ESR1: variants seen among roughly 807,000 people sequenced by gnomAD.
ESR1 encodes the protein estrogen receptor 1.
In ESR1, 12 loss-of-function variants were observed where a neutral mutation model predicts 52.7. That is an observed-to-expected ratio of 0.23 (90% CI 0.15 to 0.37). ESR1 has a LOEUF of 0.37. Ranked by LOEUF, ESR1 falls within the 10% of genes least tolerant of loss-of-function variation. The probability of loss-of-function intolerance (pLI) is 1.00; values close to 1 mark genes in which losing one functional copy is unlikely to be tolerated. For missense variants in ESR1, 584 were observed against 779.7 expected (o/e 0.75, Z 2.99); for synonymous variants, 305 against 316.8 (o/e 0.96, Z 0.39).
At chr6:151,694,368 G>A (rs1245566977) in intron 1 of ESR1, among the ~76,000 whole-genome samples, 1 of 152,202 alleles carries the variant, frequency 6.6e-6, no homozygotes, top group Non-Finnish European at 1.5e-5. Context: ...CCCTCTCTTA[G>A]CCTCAGCAAC....
upstream of ESR1, among the ~76,000 whole-genome samples, chr6:151,799,517 T>C (rs1777023769): frequency 2.6e-5 from 4 of 152,208 alleles, no homozygotes; most frequent in Non-Finnish European, 5.9e-5. Flanking sequence ...AAGTTCATTG[T>C]TCAAATAGTA....
At chr6:151,690,962 A>T (rs187906592) in intron 1 of ESR1, among the ~76,000 whole-genome samples, 1 of 152,240 alleles carries the variant, frequency 6.6e-6, no homozygotes, top group African/African-American at 2.4e-5. Context: ...TGTCTGTTCC[A>T]GATAACATAA....
intron 2 of ESR1, among the ~76,000 whole-genome samples, chr6:151,868,907 C>A (rs1352891644): frequency 6.6e-6 from 1 of 152,076 alleles, no homozygotes; most frequent in African/African-American, 2.4e-5. Context: ...CTTAGAGGGT[C>A]GAAAGTGTAC....
chr6:151,670,447 C>T (rs117991176), intron 1 of ESR1, among the ~76,000 whole-genome samples: 2 of 152,320 alleles, frequency 1.3e-5, no homozygotes, highest in Non-Finnish European at 2.9e-5. Flanking sequence ...GCAGAGACCT[C>T]TTGCCTGGTC....
intron 3 of ESR1, among the ~76,000 whole-genome samples, chr6:151,935,786 T>C (rs1039206504): frequency 6.6e-6 from 1 of 152,190 alleles, no homozygotes; most frequent in Non-Finnish European, 1.5e-5. Flanking sequence ...TTTAATATAC[T>C]CCAACAAATG....
chr6:151,767,908 C>T (rs1009303954), intron 2 of ESR1, among the ~76,000 whole-genome samples: 1 of 152,132 alleles, frequency 6.6e-6, no homozygotes, highest in Non-Finnish European at 1.5e-5. Context: ...GGGGCATATA[C>T]CCCTTACAAT....
At chr6:152,079,938 G>A (rs987003059) in intron 6 of ESR1, among the ~76,000 whole-genome samples, 16 of 152,162 alleles carry the variant, frequency 1.1e-4, no homozygotes, top group African/African-American at 3.9e-4. Context: ...GACAAGATGA[G>A]AGAAAAGAAG....
chr6:151,676,524 A>C (rs1276649862), intron 1 of ESR1, among the ~76,000 whole-genome samples: 1 of 152,162 alleles, frequency 6.6e-6, no homozygotes, highest in East Asian at 1.9e-4. Context: ...CCAAGGAAAT[A>C]TAGTTCAGTG....
chr6:151,666,036 A>T (rs1216493108), intron 1 of ESR1, among the ~76,000 whole-genome samples: 2 of 152,236 alleles, frequency 1.3e-5, no homozygotes, highest in East Asian at 1.9e-4. Flanking sequence ...AACTATCATG[A>T]TCAGAAGAAA....
rs546576537 is a variant in ESR1 at position 152,063,258 on chromosome 6, G to A, written c.1369+2134G>A. Among the ~76,000 whole-genome samples, 5 of 152,296 alleles carry A rather than the reference G, an allele frequency of 3.3e-5. No homozygotes were observed. In the South Asian group the frequency reaches 1.0e-3, roughly 32 times the overall value. ...GCTCTTGAAGGGCAGAAACGCTATTGTAGAAATTCAAGGCACTGTATGCTG... is the reference window on the plus strand; with the variant it reads ...GCTCTTGAAGGGCAGAAACGCTATTATAGAAATTCAAGGCACTGTATGCTG... On this transcript the variant is annotated intron_variant, in intron 6 of 7. Transcript: ENST00000206249.
Position 151,940,159 on chromosome 6 carries a change from G to A in ESR1, c.761-4014G>A, listed in dbSNP as rs188496240. 1.9e-3 allele frequency among the ~76,000 whole-genome samples: 291 copies of A among 152,252 alleles called. 1 individual carries two copies. The highest frequency in any genetic ancestry group is 6.8e-3 in the African/African-American group (282 of 41,550). On this transcript the variant is annotated intron_variant, in intron 3 of 7. Coordinates refer to ENST00000206249, the MANE Select transcript of ESR1 (RefSeq NM_000125.4). ...GTCTTATATGGCAGCAGGCAAGAGAGTATATGCAAGGGAACTGCCCTGTAT... is the reference window on the plus strand; with the variant it reads ...GTCTTATATGGCAGCAGGCAAGAGAATATATGCAAGGGAACTGCCCTGTAT...
intron 1 of ESR1, among the ~76,000 whole-genome samples, chr6:151,700,552 A>T (rs1371988369): frequency 6.6e-6 from 1 of 151,966 alleles, no homozygotes; most frequent in African/African-American, 2.4e-5. Flanking sequence ...TAAACTACTT[A>T]CTTTGAGCAG....
At chr6:152,036,387 A>T (rs570573929) in intron 5 of ESR1, among the ~76,000 whole-genome samples, 1 of 152,268 alleles carries the variant, frequency 6.6e-6, no homozygotes, top group South Asian at 2.1e-4. Flanking sequence ...ACAAAATCAA[A>T]ACAAAAAACA....
chr6:151,698,150 T>C (rs1779502892), intron 1 of ESR1, among the ~76,000 whole-genome samples: 1 of 151,426 alleles, frequency 6.6e-6, no homozygotes, highest in Non-Finnish European at 1.5e-5. Flanking sequence ...TGAATTGCTT[T>C]TGCTCAGGAG....
chr6:151,743,280 G>A (rs555231484), intron 2 of ESR1, among the ~76,000 whole-genome samples: 58 of 152,220 alleles, frequency 3.8e-4, no homozygotes, highest in African/African-American at 1.3e-3. Context: ...TGATCGTGGG[G>A]GCTTAGACTG....
chr6:151,785,848 C>T (rs1354736191), intron 2 of ESR1, among the ~76,000 whole-genome samples: 1 of 152,212 alleles, frequency 6.6e-6, no homozygotes, highest in South Asian at 2.1e-4. Flanking sequence ...GATTCAAGTA[C>T]AGGCACTTTG....
chr6:151,808,385 C>G (rs1778211382), intron 1 of ESR1, 21 bp downstream of exon 1: 1 of 977,806 alleles, frequency 1.0e-6, no homozygotes, highest in Non-Finnish European at 1.3e-6. Flanking sequence ...CCGCGCCGCC[C>G]GTCGGGGTGG....
downstream of ESR1, among the ~76,000 whole-genome samples, chr6:152,103,849 C>T (rs565668941): frequency 4.4e-4 from 67 of 152,224 alleles, no homozygotes; most frequent in African/African-American, 1.5e-3. Flanking sequence ...GAGCTACCTG[C>T]GTGCTTCCTT....
At chr6:151,822,042 T>C (rs985481267) in intron 1 of ESR1, among the ~76,000 whole-genome samples, 5 of 152,204 alleles carry the variant, frequency 3.3e-5, no homozygotes, top group African/African-American at 9.6e-5. Flanking sequence ...GAGATATATA[T>C]TTATCAGGAT....
Sources: gnomAD v4.1 joint callset for allele counts (sites outside exome capture counted in the v4.1 genomes callset) on GRCh38, gnomAD v4.1.1 for gene constraint, MANE v1.5 for transcripts, NCBI Gene and HGNC (gene_info 2026-07-23, HGNC 2026-07-21) for gene names.